The following CSMD1 variants were observed in gnomAD, a reference collection of about 807,000 sequenced individuals.
The protein encoded by CSMD1 is CUB and sushi domain-containing protein 1.
In CSMD1, 213 loss-of-function variants were observed where a neutral mutation model predicts 417.5. That is an observed-to-expected ratio of 0.51 (90% confidence interval 0.46 to 0.57). The LOEUF (loss-of-function observed/expected upper bound fraction) is 0.57, where lower values mean the gene tolerates loss of function less well. Ranked by LOEUF, CSMD1 falls within the 20% of genes least tolerant of loss-of-function variation. The pLI is 0.00. For missense variants in CSMD1, 6,923 were observed against 4,529.7 expected, an observed-to-expected ratio of 1.53 and a Z score of -15.17; for synonymous variants, 2,862 against 1,736.8, an observed-to-expected ratio of 1.65 and a Z score of -16.11.
At chr8:4,370,840 T>C (rs544002709) in intron 3 of CSMD1, among the ~76,000 whole-genome samples, 1 of 152,300 alleles carries the variant, frequency 6.6e-6, no homozygotes, top group African/African-American at 2.4e-5. Context: ...CATTTTATTG[T>C]TTTCCTTGGA....
intron 26 of CSMD1, among the ~76,000 whole-genome samples, chr8:3,262,993 G>C (rs1801189677): frequency 6.6e-6 from 1 of 152,192 alleles, no homozygotes; most frequent in African/African-American, 2.4e-5. Context: ...GGACATTACA[G>C]TTATTAAGCT....
chr8:3,141,831 T>G (rs1354746734), intron 41 of CSMD1, among the ~76,000 whole-genome samples: 1 of 148,058 alleles, frequency 6.8e-6, no homozygotes, highest in Non-Finnish European at 1.5e-5. Context: ...GGAGTCTGGC[T>G]CTGTCGCCCA....
At chr8:3,985,090 T>G (rs1814218282) in intron 5 of CSMD1, among the ~76,000 whole-genome samples, 1 of 151,986 alleles carries the variant, frequency 6.6e-6, no homozygotes, top group Non-Finnish European at 1.5e-5. Context: ...TTTATGTTAC[T>G]TAGGGGGGAC....
At position 4,027,295 on chromosome 8, in the gene CSMD1, G is replaced by C. The variant is rs1349663019; in HGVS notation, c.610+4610C>G. On this transcript the variant is annotated intron_variant, in intron 4 of 69. Coordinates refer to ENST00000635120, the MANE Select transcript of CSMD1 (RefSeq NM_033225.6). ...GAAGATGGATGTTAGGAGAGAGTGA[G>C]TCAGGAGTAGAAAGTAGGATGATGG... 3.3e-5 allele frequency among the ~76,000 whole-genome samples: 5 copies of C among 152,282 alleles called. No individual in the cohort carries two copies. In the East Asian group the frequency reaches 7.7e-4, roughly 24 times the overall value.
intron 26 of CSMD1, among the ~76,000 whole-genome samples, chr8:3,252,584 G>A (rs1231353732): frequency 1.3e-5 from 2 of 152,170 alleles, no homozygotes; most frequent in African/African-American, 2.4e-5. Context: ...CATAAAATGA[G>A]TTAGGGAGGA....
intron 1 of CSMD1, among the ~76,000 whole-genome samples, chr8:4,944,745 A>T (rs960728092): frequency 1.3e-5 from 2 of 152,168 alleles, no homozygotes; most frequent in Non-Finnish European, 2.9e-5. Flanking sequence ...TAAAAACAAA[A>T]TAGCAACTGT....
chr8:4,387,448 G>C (rs953269986), intron 3 of CSMD1, among the ~76,000 whole-genome samples: 6 of 150,510 alleles, frequency 4.0e-5, no homozygotes, highest in African/African-American at 1.2e-4. Context: ...GATATGCTTG[G>C]TCTCCATAAT....
chr8:3,693,802 G>C (rs1292237938), intron 7 of CSMD1, among the ~76,000 whole-genome samples: 4 of 151,582 alleles, frequency 2.6e-5, no homozygotes, highest in African/African-American at 7.3e-5. Flanking sequence ...GGCGTCGTGT[G>C]TGTGTGTGTT....
At chr8:3,453,050 G>A (rs571824295) in intron 12 of CSMD1, among the ~76,000 whole-genome samples, 469 of 152,312 alleles carry the variant, frequency 3.1e-3, no homozygotes, top group Non-Finnish European at 5.5e-3. Flanking sequence ...TCTTGGGAGA[G>A]TGTATGTGTC....
chr8:3,702,714 C>A (rs1436814433), intron 7 of CSMD1, among the ~76,000 whole-genome samples: 1 of 152,146 alleles, frequency 6.6e-6, no homozygotes, highest in Non-Finnish European at 1.5e-5. Context: ...TGCCTGTAAT[C>A]CCAGCTACTC....
At chr8:3,414,605 T>G in intron 12 of CSMD1, among the ~76,000 whole-genome samples, 1 of 152,274 alleles carries the variant, frequency 6.6e-6, no homozygotes, top group East Asian at 1.9e-4. Context: ...GTACCTTGCT[T>G]GAAATTTTTC....
At chr8:4,078,838 T>G (rs371688462) in intron 3 of CSMD1, among the ~76,000 whole-genome samples, 1 of 146,148 alleles carries the variant, frequency 6.8e-6, no homozygotes, top group African/African-American at 2.6e-5. Flanking sequence ...GAGTTCAAGA[T>G]TATGTTGGCC....
rs545494867 is a variant in CSMD1, at chr8:3,799,104, C to G, written c.819-45062G>C. Among the ~76,000 whole-genome samples, 291 of 151,862 alleles carry G rather than the reference C, an allele frequency of 1.9e-3. 1 individual carries two copies. The highest frequency in any genetic ancestry group is 6.7e-3 in the African/African-American group (276 of 41,410). On this transcript the variant is annotated intron_variant, in intron 5 of 69. Coordinates refer to ENST00000635120, the MANE Select transcript of CSMD1 (RefSeq NM_033225.6). ...CTTCCAAATGCCATTTTTTATTATC[C>G]TCAATTTGCTACATAGTTTAATAGT...
chr8:3,740,016 T>C (rs1396184944), intron 6 of CSMD1, among the ~76,000 whole-genome samples: 3 of 152,216 alleles, frequency 2.0e-5, no homozygotes, highest in African/African-American at 4.8e-5. Context: ...TGGGAGTCAT[T>C]GAAATACCAA....
intron 10 of CSMD1, among the ~76,000 whole-genome samples, chr8:3,528,065 C>A (rs1563124246): frequency 6.6e-6 from 1 of 152,130 alleles, no homozygotes. Context: ...AAATCCAAAC[C>A]ACCCCCATAT....
intron 3 of CSMD1, among the ~76,000 whole-genome samples, chr8:4,189,417 G>C (rs952892461): frequency 1.3e-5 from 2 of 151,946 alleles, no homozygotes; most frequent in East Asian, 1.9e-4. Context: ...TTTGTTATTA[G>C]AAAATAAGAA....
intron 7 of CSMD1, among the ~76,000 whole-genome samples, chr8:3,657,184 G>A (rs1167122321): frequency 1.3e-5 from 2 of 152,158 alleles, no homozygotes; most frequent in Non-Finnish European, 1.5e-5. Flanking sequence ...ACAGGAAGAT[G>A]CTGCAGGATC....
intron 2 of CSMD1, among the ~76,000 whole-genome samples, chr8:4,452,358 G>A (rs922694772): frequency 6.6e-6 from 1 of 152,252 alleles, no homozygotes; most frequent in East Asian, 1.9e-4. Context: ...CCACTGGGGT[G>A]ACAAGTACAA....
rs377417512 is a variant in CSMD1, at chr8:3,189,025, C to T, written c.5399-14G>A. ...CACTGCAGGGTACTAAAAGACACAA[C>T]CATATGTCATGAAATAAAGTGCTGT... On this transcript the variant is annotated splice_polypyrimidine_tract_variant and intron_variant, in intron 34 of 69. Transcript: ENST00000635120. 6.2e-7 allele frequency: 1 copy of T among 1,604,616 alleles called. No homozygotes were observed. The highest frequency in any genetic ancestry group is 1.1e-5 in the South Asian group (1 of 89,342).
Sources: allele counts gnomAD v4.1 joint callset (sites outside exome capture counted in the v4.1 genomes callset), GRCh38; gene constraint gnomAD v4.1.1; transcripts MANE v1.5; gene names NCBI Gene and HGNC (gene_info 2026-07-23, HGNC 2026-07-21).